Variants in ILDR2 observed in about 807,000 individuals in gnomAD.
ILDR2 encodes immunoglobulin like domain containing receptor 2.
In ILDR2, 25 loss-of-function variants were observed where a neutral mutation model predicts 66.8. That is an observed-to-expected ratio of 0.37 (90% CI 0.27 to 0.52). ILDR2 has a LOEUF of 0.52. ILDR2 is among the 20% of genes least tolerant of loss of function. ILDR2 has a pLI of 0.88. For synonymous variants in ILDR2, 367 were observed against 357.2 expected, an observed-to-expected ratio of 1.03 and a Z score of -0.31; for missense variants, 827 against 876.8, an observed-to-expected ratio of 0.94 and a Z score of 0.72.
rs1663538632 is a variant in ILDR2, at chr1:166,975,464, C to A, written c.-196G>T. ...GCGCCGCCGGCTGAGCGCGCGCTGCCGCGGGCTTCCGGGGTCCGCGCAGCG... is the reference window on the plus strand; with the variant it reads ...GCGCCGCCGGCTGAGCGCGCGCTGCAGCGGGCTTCCGGGGTCCGCGCAGCG... On this transcript the variant is annotated 5_prime_UTR_variant, in exon 1 of 10. Transcript: ENST00000271417. 6 of 147,402 alleles carry A rather than the reference C, an allele frequency of 4.1e-5. No homozygotes were observed. Among genetic ancestry groups the A allele is most frequent in the Admixed American group, 3.4e-4 (5 of 14,728 alleles). 9.1% of individuals were successfully genotyped at this position (147,402 alleles called of 1,614,324 possible). A position where few individuals can be genotyped will look rare whatever the true frequency, so the allele number is the denominator to read the frequency against.
At chr1:166,899,013 T>C (rs1439111074) in intron 2 of ILDR2, among the ~76,000 whole-genome samples, 1 of 152,050 alleles carries the variant, frequency 6.6e-6, no homozygotes, top group Non-Finnish European at 1.5e-5. Flanking sequence ...TGAGCCATGA[T>C]TGCCCCACTG....
At chr1:166,948,325 C>T (rs1327630381) in intron 3 of ILDR2, among the ~76,000 whole-genome samples, 1 of 152,124 alleles carries the variant, frequency 6.6e-6, no homozygotes, top group East Asian at 1.9e-4. Context: ...TATTAAAAGT[C>T]CCCCCTTTTC....
At chr1:166,965,469 C>T (rs1016530085) in intron 1 of ILDR2, among the ~76,000 whole-genome samples, 8 of 151,894 alleles carry the variant, frequency 5.3e-5, no homozygotes, top group East Asian at 3.9e-4. Context: ...TGTAGGCACC[C>T]GTAAAGTTTC....
rs780390876 is a variant in ILDR2 at position 166,936,577 on chromosome 1, G to T, written c.703+14C>A. 1 of 1,614,090 alleles carries T rather than the reference G, an allele frequency of 6.2e-7. No homozygotes were observed. The highest frequency in any genetic ancestry group is 8.5e-7 in the Non-Finnish European group (1 of 1,180,004). ...TCTCGATCGCTCTGTCTCCCCAGCG[G>T]TCACTGTACTCACAGGCTTGAGGGC... is the stretch of plus-strand genomic sequence containing the variant. On this transcript the variant is annotated intron_variant, in intron 5 of 9. Transcript: ENST00000271417. The surrounding 1 kb of genome is among the most constrained non-coding windows in gnomAD (Gnocchi z 5.0).
intron 3 of ILDR2, chr1:166,943,832 T>A (rs918202912): frequency 2.4e-5 from 24 of 985,182 alleles, no homozygotes; most frequent in Non-Finnish European, 2.7e-5. Context: ...CAATTACAAG[T>A]CACTTTAATG....
intron 6 of ILDR2, among the ~76,000 whole-genome samples, chr1:166,934,583 C>T (rs988032121): frequency 9.2e-5 from 14 of 152,210 alleles, no homozygotes; most frequent in African/African-American, 3.4e-4. Flanking sequence ...TCACACCAAG[C>T]CCCAGATCTT....
At chr1:166,939,478 C>T (rs369396554) in intron 4 of ILDR2, 36 bp downstream of exon 4, 12 of 1,568,272 alleles carry the variant, frequency 7.7e-6, no homozygotes, top group South Asian at 1.1e-5. Flanking sequence ...GGAATAACAG[C>T]AAATCAAGCA....
At chr1:166,967,904 C>T (rs1257548547) in intron 1 of ILDR2, among the ~76,000 whole-genome samples, 1 of 152,212 alleles carries the variant, frequency 6.6e-6, no homozygotes, top group Non-Finnish European at 1.5e-5. Context: ...GTCCTATGTG[C>T]TCCACCTCTG....
In ILDR2 at chr1:166,908,365, T is replaced by C. The variant is rs1659389540; in HGVS notation, c.*10990A>G. The C allele has an allele frequency of 6.6e-6, 1 of 152,312 alleles. No individual in the cohort carries two copies. The highest frequency in any genetic ancestry group is 2.4e-5 in the African/African-American group (1 of 41,554). 9.4% of individuals were successfully genotyped at this position (152,312 alleles called of 1,614,324 possible). ...GTAATCTCTCTCCTGTCTCTTCTTA[T>C]AAGGACACTAATTCCATCATAAGAG... is the stretch of plus-strand genomic sequence containing the variant. On this transcript the variant is annotated 3_prime_UTR_variant, in exon 10 of 10. Coordinates refer to ENST00000271417, the MANE Select transcript of ILDR2 (RefSeq NM_199351.3).
chr1:166,940,658 A>G (rs1451813846), intron 3 of ILDR2, among the ~76,000 whole-genome samples: 5 of 152,246 alleles, frequency 3.3e-5, no homozygotes, highest in Non-Finnish European at 7.3e-5. Flanking sequence ...AAAAGTAAAA[A>G]GAAACAAAGG....
At chr1:166,923,582 A>G (rs1253220540) in intron 7 of ILDR2, among the ~76,000 whole-genome samples, 2 of 152,218 alleles carry the variant, frequency 1.3e-5, no homozygotes, top group East Asian at 3.9e-4. Context: ...GTATGGAAAG[A>G]AGAGGAGGGT....
intron 1 of ILDR2, among the ~76,000 whole-genome samples, chr1:166,963,550 C>A (rs1662749704): frequency 6.6e-6 from 1 of 152,244 alleles, no homozygotes; most frequent in Admixed American, 6.5e-5. Context: ...GGTCTTCCTA[C>A]TTCCAACCCA....
At chr1:166,954,459 A>G in intron 3 of ILDR2, among the ~76,000 whole-genome samples, 1 of 152,338 alleles carries the variant, frequency 6.6e-6, no homozygotes, top group Non-Finnish European at 1.5e-5. Flanking sequence ...ACCCCTTTAA[A>G]TAAGTAACAC....
At chr1:166,896,913 G>T (rs1414917752) in intron 2 of ILDR2, among the ~76,000 whole-genome samples, 2 of 152,132 alleles carry the variant, frequency 1.3e-5, no homozygotes, top group African/African-American at 4.8e-5. Flanking sequence ...GGGATTACAG[G>T]TGTGAGCCAC....
chr1:166,920,278 C>G (rs868261932), intron 9 of ILDR2, among the ~76,000 whole-genome samples: 12 of 152,090 alleles, frequency 7.9e-5, no homozygotes, highest in Admixed American at 2.0e-4. Flanking sequence ...TACAAACCCT[C>G]GCCCCAAGCA....
At chr1:166,943,677 G>T in intron 3 of ILDR2, 1 of 246,026 alleles carries the variant, frequency 4.1e-6, no homozygotes, top group Non-Finnish European at 6.5e-6. Context: ...AGTTAGAAAT[G>T]CTTTATCTTT....
intron 1 of ILDR2, among the ~76,000 whole-genome samples, chr1:166,972,789 GT>G (rs1025982808): frequency 6.6e-5 from 10 of 152,156 alleles, no homozygotes; most frequent in African/African-American, 1.2e-4. Context: ...AATGAATGTG[GT>G]TTTTTTCCTG....
intron 1 of ILDR2, among the ~76,000 whole-genome samples, chr1:166,960,323 AT>A (rs1201573677): frequency 6.6e-6 from 1 of 152,232 alleles, no homozygotes; most frequent in Non-Finnish European, 1.5e-5. Flanking sequence ...ATGGCTATTA[AT>A]ATGGGAATTT....
intron 3 of ILDR2, among the ~76,000 whole-genome samples, chr1:166,943,506 A>G (rs896492817): frequency 2.0e-5 from 3 of 151,258 alleles, no homozygotes; most frequent in Non-Finnish European, 3.0e-5. Flanking sequence ...AAAAAAAAAA[A>G]AAAAAAAAAA....
Sources: allele counts gnomAD v4.1 joint callset (sites outside exome capture counted in the v4.1 genomes callset), GRCh38; gene constraint gnomAD v4.1.1; non-coding constraint Gnocchi (gnomAD v3.1); transcripts MANE v1.5; gene names NCBI Gene and HGNC (gene_info 2026-07-23, HGNC 2026-07-21).